The following ZC3H8 variants were observed in gnomAD, a reference collection of about 807,000 sequenced individuals.
ZC3H8 encodes zinc finger CCCH domain-containing protein 8.
A neutral mutation model predicts 42.5 loss-of-function variants in ZC3H8; 27 were observed. That is an observed-to-expected ratio of 0.64 (90% CI 0.47 to 0.88). The LOEUF (loss-of-function observed/expected upper bound fraction) is 0.88. ZC3H8 is among the 40% of genes least tolerant of loss of function. ZC3H8 has a pLI of 0.00. For missense variants in ZC3H8, 277 were observed against 336.1 expected, an observed-to-expected ratio of 0.82 and a Z score of 1.37; for synonymous variants, 101 against 110.1, an observed-to-expected ratio of 0.92 and a Z score of 0.52.
chr2:112,233,300 T>C lies in ZC3H8; in HGVS notation c.693A>G (p.Gln231=), dbSNP rs1355597580. ...AGTTTTCACCTCTGGTACAATATCCTTGTACATAAAACTTACACATTTCCT... is the reference window on the plus strand; with the variant it reads ...AGTTTTCACCTCTGGTACAATATCCCTGTACATAAAACTTACACATTTCCT... ...KKKEMCKFYV[Q]GYCTRGENCL... is the part of the protein sequence containing the mutation. Residue 231 remains glutamine (Q), a synonymous_variant, in exon 6 of 9, where the codon CAA becomes CAG. Coordinates refer to ENST00000409573, the MANE Select transcript of ZC3H8 (RefSeq NM_032494.3). The C allele has an allele frequency of 6.2e-7, 1 of 1,601,358 alleles. No individual in the cohort carries two copies. Among genetic ancestry groups the C allele is most frequent in the African/African-American group, 1.3e-5 (1 of 74,874 alleles).
chr2:112,231,129 C>T (rs1007337274), intron 7 of ZC3H8, among the ~76,000 whole-genome samples, 179 bp from the exon 8 acceptor site: 1 of 152,094 alleles, frequency 6.6e-6, no homozygotes, highest in African/African-American at 2.4e-5. Flanking sequence ...TTTTCCATAT[C>T]TATTTCACAC....
intron 4 of ZC3H8, among the ~76,000 whole-genome samples, chr2:112,235,182 G>A (rs1223864811): frequency 6.6e-6 from 1 of 152,194 alleles, no homozygotes; most frequent in Non-Finnish European, 1.5e-5. Flanking sequence ...TAGGAATACA[G>A]TATGTACAAA....
chr2:112,253,555 G>C (rs189974720), intron 1 of ZC3H8, among the ~76,000 whole-genome samples: 1 of 152,184 alleles, frequency 6.6e-6, no homozygotes, highest in Admixed American at 6.5e-5. Context: ...GCAGATAAGA[G>C]ATCCTAGAAT....
intron 2 of ZC3H8, among the ~76,000 whole-genome samples, chr2:112,243,176 C>T (rs1270029677): frequency 6.6e-6 from 1 of 152,208 alleles, no homozygotes; most frequent in African/African-American, 2.4e-5. Flanking sequence ...TCCATACCTA[C>T]ATTAATTTGC....
intron 1 of ZC3H8, among the ~76,000 whole-genome samples, chr2:112,250,582 G>A (rs1179265500): frequency 3.9e-5 from 6 of 152,244 alleles, no homozygotes; most frequent in African/African-American, 1.2e-4. Flanking sequence ...CACCATGTAC[G>A]AGGCTCCGGG....
chr2:112,226,426 A>T (rs1684841284), intron 8 of ZC3H8, among the ~76,000 whole-genome samples: 1 of 151,940 alleles, frequency 6.6e-6, no homozygotes, highest in South Asian at 2.1e-4. Context: ...GTCTCTACTA[A>T]AAATACAAAA....
chr2:112,227,391 G>A lies in ZC3H8; in HGVS notation c.*15+3512C>T, dbSNP rs189817231. Among the ~76,000 whole-genome samples, 133 of 152,308 alleles carry A rather than the reference G, an allele frequency of 8.7e-4. 1 individual carries two copies. The East Asian group carries it at 0.024, about 27-fold the overall frequency. On this transcript the variant is annotated intron_variant, in intron 8 of 8. Transcript: ENST00000409573. ...AACACAAAAATTAGCCGGGCGTGGTGGCAGATGCCTGCAATCCCAGGTACT... is the reference window on the plus strand; with the variant it reads ...AACACAAAAATTAGCCGGGCGTGGTAGCAGATGCCTGCAATCCCAGGTACT...
chr2:112,230,818 A>C, intron 8 of ZC3H8, 85 bp downstream of exon 8: 4 of 843,994 alleles, frequency 4.7e-6, no homozygotes, highest in Non-Finnish European at 6.5e-6. Flanking sequence ...AAATACTTCT[A>C]TTTGAGAACC....
chr2:112,254,167 G>T, intron 1 of ZC3H8: 6 of 984,826 alleles, frequency 6.1e-6, no homozygotes, highest in Non-Finnish European at 7.2e-6. Context: ...ATATCGAATG[G>T]TAAAATCAAT....
chr2:112,232,400 T>G (rs1487523334), intron 6 of ZC3H8, among the ~76,000 whole-genome samples: 1 of 151,264 alleles, frequency 6.6e-6, no homozygotes, highest in Non-Finnish European at 1.5e-5. Context: ...CTAACTGGAA[T>G]ACATTTAAAA....
chr2:112,240,880 CT>C (rs1393003876), intron 2 of ZC3H8, among the ~76,000 whole-genome samples: 30 of 151,444 alleles, frequency 2.0e-4, no homozygotes, highest in Non-Finnish European at 8.8e-5. Flanking sequence ...GTCTAAATAA[CT>C]TTTTTTATTC....
chr2:112,223,047 G>A (rs1020352219), intron 8 of ZC3H8, among the ~76,000 whole-genome samples: 9 of 151,844 alleles, frequency 5.9e-5, no homozygotes, highest in Non-Finnish European at 1.3e-4. Flanking sequence ...CTCATAGGTG[G>A]GAATTGAACC....
intron 5 of ZC3H8, among the ~76,000 whole-genome samples, chr2:112,233,834 A>C (rs1273414325): frequency 1.3e-5 from 2 of 152,124 alleles, no homozygotes; most frequent in Non-Finnish European, 2.9e-5. Context: ...GCGCCACTGC[A>C]CTCCAGCCCA....
intron 7 of ZC3H8, among the ~76,000 whole-genome samples, 154 bp from the exon 8 acceptor site, chr2:112,231,104 T>C (rs1027526127): frequency 2.6e-5 from 4 of 152,118 alleles, no homozygotes; most frequent in Admixed American, 6.5e-5. Context: ...GAAAAACTTA[T>C]TTCATATATA....
intron 1 of ZC3H8, among the ~76,000 whole-genome samples, chr2:112,250,965 T>C (rs1685925266): frequency 6.6e-6 from 1 of 152,148 alleles, no homozygotes; most frequent in Admixed American, 6.5e-5. Flanking sequence ...AGACAATTAC[T>C]TGAGGCTATT....
intron 4 of ZC3H8, among the ~76,000 whole-genome samples, chr2:112,234,708 G>C (rs977267514): frequency 5.3e-5 from 8 of 151,978 alleles, no homozygotes; most frequent in African/African-American, 1.9e-4. Flanking sequence ...GCTGAGGCAG[G>C]AGAATCGCTT....
chr2:112,241,317 C>A (rs1259202348), intron 2 of ZC3H8, among the ~76,000 whole-genome samples: 1 of 152,118 alleles, frequency 6.6e-6, no homozygotes, highest in Non-Finnish European at 1.5e-5. Context: ...GATGTGGGTA[C>A]TACGACCACC....
chr2:112,237,823 T>C (rs927066685), intron 3 of ZC3H8, among the ~76,000 whole-genome samples: 1 of 152,160 alleles, frequency 6.6e-6, no homozygotes, highest in African/African-American at 2.4e-5. Context: ...AGCCTCGGCC[T>C]TCCAAAGTGC....
At chr2:112,229,759 T>A (rs1685010639) in intron 8 of ZC3H8, among the ~76,000 whole-genome samples, 1 of 152,110 alleles carries the variant, frequency 6.6e-6, no homozygotes, top group Non-Finnish European at 1.5e-5. Flanking sequence ...TACCAACTGT[T>A]AATACAATTC....
Sources: gnomAD v4.1 joint callset for allele counts (sites outside exome capture counted in the v4.1 genomes callset) on GRCh38, gnomAD v4.1.1 for gene constraint, MANE v1.5 for transcripts, NCBI Gene and HGNC (gene_info 2026-07-23, HGNC 2026-07-21) for gene names.